The following CNTLN variants were observed in gnomAD, a reference collection of about 807,000 sequenced individuals.
CNTLN encodes centlein, centrosomal protein.
CNTLN carries 212 observed loss-of-function variants against 180.0 expected under a neutral mutation model. That is an observed-to-expected ratio of 1.18 (90% CI 1.05 to 1.32). CNTLN has a LOEUF of 1.32. Among genes scored for constraint, CNTLN ranks in the 40% most tolerant of loss-of-function variants. CNTLN has a pLI of 0.00. For missense variants in CNTLN, 2,095 were observed against 1,610.9 expected (o/e 1.30, Z -5.14); for synonymous variants, 722 against 563.1 (o/e 1.28, Z -3.99).
At chr9:17,415,676 A>G (rs1828166071) in intron 16 of CNTLN, 112 bp from the exon 17 acceptor site, 2 of 768,280 alleles carry the variant, frequency 2.6e-6, no homozygotes, top group South Asian at 3.8e-5. Flanking sequence ...AGACTTAAAA[A>G]AAATTCTGCA....
chr9:17,368,229 G>A (rs1425549250), intron 13 of CNTLN, among the ~76,000 whole-genome samples: 2 of 152,298 alleles, frequency 1.3e-5, no homozygotes, highest in South Asian at 4.2e-4. Context: ...TAGGACTGTG[G>A]TGGTGGTGAC....
At position 17,262,216 on chromosome 9, in the gene CNTLN, C is replaced by T. The variant is rs191377041; in HGVS notation, c.850-11517C>T. ...GGAACACCATTTGACCCAGCAATAC[C>T]GTTACTGGGTATATACTCAAAGGGT... On this transcript the variant is annotated intron_variant, in intron 5 of 25. Transcript: ENST00000380647. Among the ~76,000 whole-genome samples, 310 of 151,488 alleles carry T rather than the reference C, an allele frequency of 2.0e-3. 4 individuals are homozygous for T. Among genetic ancestry groups the T allele is most frequent in the Middle Eastern group, 6.8e-3 (2 of 292 alleles).
intron 18 of CNTLN, among the ~76,000 whole-genome samples, chr9:17,456,374 T>G (rs1251562572): frequency 6.6e-6 from 1 of 152,118 alleles, no homozygotes; most frequent in Non-Finnish European, 1.5e-5. Flanking sequence ...AGCCAAATAG[T>G]TTTTTTCACC....
At chr9:17,482,716 A>G (rs2134304713) in intron 23 of CNTLN, among the ~76,000 whole-genome samples, 1 of 152,304 alleles carries the variant, frequency 6.6e-6, no homozygotes, top group South Asian at 2.1e-4. Flanking sequence ...AAGCCTCATT[A>G]GTTAAAATAT....
chr9:17,211,187 A>G (rs997665838), intron 2 of CNTLN, among the ~76,000 whole-genome samples: 2 of 152,274 alleles, frequency 1.3e-5, no homozygotes, highest in East Asian at 1.9e-4. Flanking sequence ...TTATGGTTTT[A>G]GGTCTAACGT....
chr9:17,276,928 T>C (rs192881540), intron 6 of CNTLN, among the ~76,000 whole-genome samples: 1,866 of 152,202 alleles, frequency 0.012, 44 homozygotes, highest in African/African-American at 0.042. Context: ...ACCACAGATA[T>C]GGAAGTCCAA....
chr9:17,154,858 C>T (rs1180796461), intron 2 of CNTLN, among the ~76,000 whole-genome samples: 2 of 152,212 alleles, frequency 1.3e-5, no homozygotes, highest in Non-Finnish European at 2.9e-5. Flanking sequence ...GCAGGGGCAA[C>T]CTGCTCAGGT....
In CNTLN at chr9:17,394,927, A is replaced by G. The variant is rs762347545; in HGVS notation, c.2473A>G (p.Met825Val). 3 of 1,613,996 alleles carry G rather than the reference A, an allele frequency of 1.9e-6. No homozygotes were observed. Among genetic ancestry groups the G allele is most frequent in the East Asian group, 4.5e-5 (2 of 44,884 alleles). Residue 825 changes from methionine (M) to valine (V), a missense_variant, in exon 15 of 26, where the codon ATG becomes GTG. By Grantham distance (21) the Met-to-Val change is conservative (BLOSUM62 1). Coordinates refer to ENST00000380647, the MANE Select transcript of CNTLN (RefSeq NM_017738.4). ...TGGACGATATGATTGTAAGACAACTATGACCAAGGTTAAATTTAAAGCTGC... is the reference window on the plus strand; with the variant it reads ...TGGACGATATGATTGTAAGACAACTGTGACCAAGGTTAAATTTAAAGCTGC... ...RSGRYDCKTT[M>V]TKVKFKAAKK... is the part of the protein sequence containing the mutation.
chr9:17,208,177 C>T (rs1350808589), intron 2 of CNTLN, among the ~76,000 whole-genome samples: 1 of 152,110 alleles, frequency 6.6e-6, no homozygotes, highest in African/African-American at 2.4e-5. Context: ...TATCCTGAAG[C>T]AATGTTCAAT....
At chr9:17,465,385 T>C (rs1004005251) in intron 21 of CNTLN, among the ~76,000 whole-genome samples, 1 of 150,784 alleles carries the variant, frequency 6.6e-6, no homozygotes, top group African/African-American at 2.4e-5. Flanking sequence ...TTCAATGTTA[T>C]CCTTTCAATT....
At chr9:17,307,779 A>G (rs1307048943) in intron 7 of CNTLN, among the ~76,000 whole-genome samples, 3 of 152,096 alleles carry the variant, frequency 2.0e-5, no homozygotes, top group Admixed American at 2.0e-4. Context: ...CTAGGTTTCT[A>G]GATGAACTAA....
chr9:17,354,495 C>T (rs1822654304), intron 12 of CNTLN, among the ~76,000 whole-genome samples: 1 of 152,132 alleles, frequency 6.6e-6, no homozygotes, highest in East Asian at 1.9e-4. Context: ...GGTTTGTAAA[C>T]ACACCACTCA....
chr9:17,294,878 GGGGGAGGGGGGAGT>G (rs1817735453), intron 6 of CNTLN, among the ~76,000 whole-genome samples: 1 of 76,782 alleles, frequency 1.3e-5, no homozygotes, highest in East Asian at 6.2e-4. Context: ...GGAGGGAGTG[GGGGGAGGGGGGAGT>G]GGGGAGTGGG....
At chr9:17,376,457 AT>A (rs553061341) in intron 13 of CNTLN, among the ~76,000 whole-genome samples, 96 of 148,136 alleles carry the variant, frequency 6.5e-4, no homozygotes, top group African/African-American at 2.0e-3. Flanking sequence ...AAATTTTTTA[AT>A]TTTTTTTTTT....
At chr9:17,507,754 A>G (rs950530882), downstream of CNTLN, among the ~76,000 whole-genome samples, 1 of 152,090 alleles carries the variant, frequency 6.6e-6, no homozygotes, top group Non-Finnish European at 1.5e-5. Context: ...TTGATCAGAA[A>G]TTTTTTTCTG....
intron 18 of CNTLN, among the ~76,000 whole-genome samples, chr9:17,452,133 ATT>A (rs78556887): frequency 0.05 from 7,642 of 152,214 alleles, 468 homozygotes; most frequent in East Asian, 0.25. Flanking sequence ...CTAAAAATAT[ATT>A]GTTTTGGGAG....
At chr9:17,478,952 T>A (rs1451265818) in intron 23 of CNTLN, among the ~76,000 whole-genome samples, 1 of 152,132 alleles carries the variant, frequency 6.6e-6, no homozygotes, top group Non-Finnish European at 1.5e-5. Context: ...AGAAACAAAC[T>A]CAATGTCACT....
In CNTLN at chr9:17,258,579, T is replaced by G. The variant is rs531234881; in HGVS notation, c.850-15154T>G. 7.3e-5 allele frequency among the ~76,000 whole-genome samples: 11 copies of G among 150,918 alleles called. 1 individual carries two copies. In the South Asian group the frequency reaches 2.3e-3, roughly 32 times the overall value. On this transcript the variant is annotated intron_variant, in intron 5 of 25. Coordinates refer to ENST00000380647, the MANE Select transcript of CNTLN (RefSeq NM_017738.4). ...TAAATTACCTTGGGCAGTATGGCCA[T>G]TTTCACGATATTGATTCTTCCTACC...
At chr9:17,373,784 A>C (rs1218208517) in intron 13 of CNTLN, among the ~76,000 whole-genome samples, 1 of 152,182 alleles carries the variant, frequency 6.6e-6, no homozygotes, top group Non-Finnish European at 1.5e-5. Flanking sequence ...AGACCAATAG[A>C]ACCTAACAGA....
Sources: gnomAD v4.1 joint callset for allele counts (sites outside exome capture counted in the v4.1 genomes callset) on GRCh38, gnomAD v4.1.1 for gene constraint, MANE v1.5 for transcripts, NCBI Gene and HGNC (gene_info 2026-07-23, HGNC 2026-07-21) for gene names.